Variants in USP32 observed in about 807,000 individuals in gnomAD.
USP32 encodes ubiquitin specific peptidase 32.
In USP32, 59 loss-of-function variants were observed where a neutral mutation model predicts 204.8. The observed-to-expected ratio is 0.29, with a 90% CI of 0.23 to 0.36. The LOEUF is 0.36. USP32 is among the 10% of genes least tolerant of loss of function. The probability of loss-of-function intolerance (pLI) is 1.00; values close to 1 mark genes in which losing one functional copy is unlikely to be tolerated. For missense variants in USP32, 1,160 were observed against 1,946.4 expected (o/e 0.60, Z 7.60); for synonymous variants, 517 against 678.4 (o/e 0.76, Z 3.70).
chr17:60,282,809 A>G lies in USP32; in HGVS notation c.571+5714T>C, dbSNP rs532001182. Among the ~76,000 whole-genome samples, 90 of 152,340 alleles carry G rather than the reference A, an allele frequency of 5.9e-4. 2 individuals carry two copies. In the South Asian group the frequency reaches 0.017, roughly 29 times the overall value. ...TTCTGCTCACTCTGGAGGCAATCAA[A>G]TGTTTAAATCAAGACTTAGAATGTA... is the stretch of plus-strand genomic sequence containing the variant. On this transcript the variant is annotated intron_variant, in intron 5 of 33. Coordinates refer to ENST00000300896, the MANE Select transcript of USP32 (RefSeq NM_032582.4).
At chr17:60,280,280 A>G (rs2086938334) in intron 5 of USP32, among the ~76,000 whole-genome samples, 1 of 152,050 alleles carries the variant, frequency 6.6e-6, no homozygotes, top group Admixed American at 6.6e-5. Flanking sequence ...TATTTTTAGT[A>G]GAGACGGGGT....
At chr17:60,297,272 G>A (rs2087455072) in intron 3 of USP32, among the ~76,000 whole-genome samples, 1 of 151,958 alleles carries the variant, frequency 6.6e-6, no homozygotes, top group Non-Finnish European at 1.5e-5. Context: ...TGTGGTACGT[G>A]CCTCTAGTCC....
chr17:60,212,891 C>T (rs1225640628), intron 18 of USP32, among the ~76,000 whole-genome samples: 1 of 151,926 alleles, frequency 6.6e-6, no homozygotes, highest in Non-Finnish European at 1.5e-5. Context: ...GTAGCTGGGA[C>T]TACAGGCACG....
At chr17:60,284,786 T>C (rs1427359208) in intron 5 of USP32, among the ~76,000 whole-genome samples, 2 of 152,236 alleles carry the variant, frequency 1.3e-5, no homozygotes, top group African/African-American at 4.8e-5. Flanking sequence ...CTACTAAGTT[T>C]CATTCTTGGT....
At chr17:60,383,568 T>G (rs1338556703) in intron 1 of USP32, among the ~76,000 whole-genome samples, 1 of 152,196 alleles carries the variant, frequency 6.6e-6, no homozygotes, top group Non-Finnish European at 1.5e-5. Flanking sequence ...TGCACAATAG[T>G]GATAGACAAA....
intron 2 of USP32, among the ~76,000 whole-genome samples, chr17:60,312,630 T>G (rs1244497339): frequency 2.0e-5 from 3 of 152,080 alleles, no homozygotes; most frequent in Non-Finnish European, 4.4e-5. Context: ...TTTGTAAAGA[T>G]GGGATCTTAC....
chr17:60,412,680 G>A (rs994152683), intron 1 of USP32, among the ~76,000 whole-genome samples: 1 of 152,094 alleles, frequency 6.6e-6, no homozygotes. Flanking sequence ...AGGGAGTGGG[G>A]TACAAATACG....
chr17:60,320,989 G>A (rs1479323441), intron 2 of USP32, among the ~76,000 whole-genome samples: 1 of 152,018 alleles, frequency 6.6e-6, no homozygotes, highest in Non-Finnish European at 1.5e-5. Context: ...ACCTCCTACA[G>A]CTTGGCTCCG....
chr17:60,322,544 G>T (rs1236528456), intron 2 of USP32, among the ~76,000 whole-genome samples: 1 of 152,012 alleles, frequency 6.6e-6, no homozygotes, highest in Non-Finnish European at 1.5e-5. Flanking sequence ...GAAAAGTTCT[G>T]ATGTTTGTTC....
chr17:60,390,525 A>G (rs2089813119), intron 1 of USP32, among the ~76,000 whole-genome samples: 2 of 152,220 alleles, frequency 1.3e-5, no homozygotes, highest in Non-Finnish European at 2.9e-5. Flanking sequence ...CAATTATTAT[A>G]CTGTTCCACA....
At chr17:60,250,593 A>G (rs2086141371) in intron 11 of USP32, among the ~76,000 whole-genome samples, 1 of 152,184 alleles carries the variant, frequency 6.6e-6, no homozygotes, top group Non-Finnish European at 1.5e-5. Flanking sequence ...GCTAAAAACT[A>G]GAGACAATCA....
chr17:60,381,552 T>C (rs1463940592), intron 1 of USP32, among the ~76,000 whole-genome samples: 1 of 152,180 alleles, frequency 6.6e-6, no homozygotes, highest in East Asian at 1.9e-4. Flanking sequence ...CCTCTAGTCA[T>C]TTTACTCAGG....
At chr17:60,414,676 G>A (rs549118140) in intron 1 of USP32, among the ~76,000 whole-genome samples, 27 of 152,026 alleles carry the variant, frequency 1.8e-4, no homozygotes, top group Non-Finnish European at 3.5e-4. Context: ...AGATCCACCC[G>A]CCTTGGCCTC....
chr17:60,357,964 T>C (rs1428543467), intron 1 of USP32, among the ~76,000 whole-genome samples: 1 of 152,042 alleles, frequency 6.6e-6, no homozygotes, highest in African/African-American at 2.4e-5. Context: ...GATGGGGTTT[T>C]CACCATGTTG....
At chr17:60,395,946 A>G (rs1016683215), upstream of USP32, among the ~76,000 whole-genome samples, 2 of 152,296 alleles carry the variant, frequency 1.3e-5, no homozygotes, top group African/African-American at 4.8e-5. Flanking sequence ...CATTGCTACA[A>G]CGTGACACCA....
intron 1 of USP32, among the ~76,000 whole-genome samples, chr17:60,371,626 G>A (rs1341873757): frequency 6.6e-6 from 1 of 151,978 alleles, no homozygotes; most frequent in Non-Finnish European, 1.5e-5. Flanking sequence ...CACATATAAA[G>A]GGTGTTCAAC....
At position 60,271,493 on chromosome 17, in the gene USP32, ATC is replaced by A. The variant is rs1382392451; in HGVS notation, c.572-14_572-13del. 1 of 1,611,774 alleles carries A rather than the reference ATC, an allele frequency of 6.2e-7. No individual in the cohort carries two copies. Among genetic ancestry groups the A allele is most frequent in the Admixed American group, 1.7e-5 (1 of 59,782 alleles). ...GTCTGATTCCTCCACTAAGGGTCAAATCAAAAAAGATTATAAAACCTCAGAAT... is the reference window on the plus strand; with the variant it reads ...GTCTGATTCCTCCACTAAGGGTCAAAAAAAAAGATTATAAAACCTCAGAAT... On this transcript the variant is annotated splice_polypyrimidine_tract_variant and intron_variant, in intron 5 of 33. Coordinates refer to ENST00000300896, the MANE Select transcript of USP32 (RefSeq NM_032582.4).
rs898561158 is a variant in USP32, at chr17:60,190,772, T to C, written c.3522-89A>G. On this transcript the variant is annotated intron_variant, in intron 28 of 33. Coordinates refer to ENST00000300896, the MANE Select transcript of USP32 (RefSeq NM_032582.4). ...TAAAAAATATTCTCCCTTCCTACTTTTCTGCTTTCCTCTTGGGCCTCACAA... is the reference window on the plus strand; with the variant it reads ...TAAAAAATATTCTCCCTTCCTACTTCTCTGCTTTCCTCTTGGGCCTCACAA... The C allele has an allele frequency of 9.8e-6, 15 of 1,527,224 alleles. No individual in the cohort carries two copies. In the African/African-American group the frequency reaches 2.0e-4, roughly 20 times the overall value. 94.6% of individuals were successfully genotyped at this position (1,527,224 alleles called of 1,614,324 possible). A position where few individuals can be genotyped will look rare whatever the true frequency, so the allele number is the denominator to read the frequency against.
At chr17:60,269,742 T>A (rs1033767654) in intron 6 of USP32, among the ~76,000 whole-genome samples, 185 bp from the exon 7 acceptor site, 4 of 152,314 alleles carry the variant, frequency 2.6e-5, no homozygotes, top group Non-Finnish European at 5.9e-5. Context: ...TTGAAACTTG[T>A]GATCATGGCA....
Sources: allele counts gnomAD v4.1 joint callset (sites outside exome capture counted in the v4.1 genomes callset), GRCh38; gene constraint gnomAD v4.1.1; transcripts MANE v1.5; gene names NCBI Gene and HGNC (gene_info 2026-07-23, HGNC 2026-07-21).